Variants in RPTOR observed in about 807,000 individuals in gnomAD.
RPTOR encodes regulatory-associated protein of mTOR.
In RPTOR, 21 loss-of-function variants were observed where a neutral mutation model predicts 169.9. That is an observed-to-expected ratio of 0.12 (90% CI 0.09 to 0.18). RPTOR has a LOEUF of 0.18. Ranked by LOEUF, RPTOR falls within the 10% of genes least tolerant of loss-of-function variation. RPTOR has a pLI of 1.00. For missense variants in RPTOR, 1,133 were observed against 1,855.9 expected, an observed-to-expected ratio of 0.61 and a Z score of 7.16; for synonymous variants, 732 against 753.2, an observed-to-expected ratio of 0.97 and a Z score of 0.46.
At chr17:80,596,310 A>G (rs997118989) in intron 1 of RPTOR, among the ~76,000 whole-genome samples, 8 of 152,222 alleles carry the variant, frequency 5.3e-5, no homozygotes, top group African/African-American at 1.9e-4. Flanking sequence ...GTGTTAAAAG[A>G]ACTGTGTTTA....
chr17:80,940,664 C>A, intron 25 of RPTOR, 63 bp downstream of exon 25: 1 of 1,399,706 alleles, frequency 7.1e-7, no homozygotes, highest in Non-Finnish European at 9.9e-7. Flanking sequence ...GGCGAGGGTC[C>A]CCTGTGAGCA....
intron 3 of RPTOR, among the ~76,000 whole-genome samples, chr17:80,685,627 A>ATATTTTTTTT (rs1269766086): frequency 9.8e-5 from 3 of 30,670 alleles, no homozygotes; most frequent in Non-Finnish European, 1.6e-4. Flanking sequence ...ATATATATAT[A>ATATTTTTTTT]TTTTTTTTTT....
intron 24 of RPTOR, among the ~76,000 whole-genome samples, chr17:80,935,587 A>T (rs1477606181): frequency 6.6e-6 from 1 of 152,200 alleles, no homozygotes; most frequent in Non-Finnish European, 1.5e-5. Context: ...AGGTGCAAAA[A>T]CAATTCAATT....
intron 3 of RPTOR, among the ~76,000 whole-genome samples, chr17:80,662,243 A>G (rs1299388646): frequency 6.6e-6 from 1 of 152,154 alleles, no homozygotes; most frequent in Non-Finnish European, 1.5e-5. Flanking sequence ...TCCTATCACC[A>G]GAGGCTAGTT....
intron 1 of RPTOR, among the ~76,000 whole-genome samples, chr17:80,572,786 G>A (rs2064921524): frequency 6.6e-6 from 1 of 152,126 alleles, no homozygotes; most frequent in African/African-American, 2.4e-5. Context: ...GTTTTTTCAT[G>A]TTCCTTATGG....
chr17:80,891,357 A>C (rs2068320952), intron 17 of RPTOR, among the ~76,000 whole-genome samples: 1 of 152,250 alleles, frequency 6.6e-6, no homozygotes, highest in Non-Finnish European at 1.5e-5. Flanking sequence ...GTTTTCAGCC[A>C]GGGTCCCAGT....
rs185706673 is a variant in RPTOR at position 80,965,661 on chromosome 17, G to A, written c.*1331G>A. ...TGTGGCGAGGCCCGGCTCTCCTGCGGTGTGGCTGGTGGCCTGCCGTGGCCA... is the reference window on the plus strand; with the variant it reads ...TGTGGCGAGGCCCGGCTCTCCTGCGATGTGGCTGGTGGCCTGCCGTGGCCA... On this transcript the variant is annotated 3_prime_UTR_variant, in exon 34 of 34. Coordinates refer to ENST00000306801, the MANE Select transcript of RPTOR (RefSeq NM_020761.3). The A allele has an allele frequency of 2.0e-3, 468 of 233,348 alleles. 1 individual carries two copies. The highest frequency in any genetic ancestry group is 3.2e-3 in the Non-Finnish European group (382 of 118,102). 14.5% of individuals were successfully genotyped at this position (233,348 alleles called of 1,614,324 possible). A position where few individuals can be genotyped will look rare whatever the true frequency, so the allele number is the denominator to read the frequency against.
intron 3 of RPTOR, among the ~76,000 whole-genome samples, chr17:80,654,824 C>T (rs1376021641): frequency 1.3e-5 from 2 of 152,122 alleles, no homozygotes; most frequent in Non-Finnish European, 2.9e-5. Context: ...AATCAAGAGT[C>T]ATAAAAGAGT....
chr17:80,762,390 G>A (rs75744073), intron 6 of RPTOR, among the ~76,000 whole-genome samples: 4,148 of 152,276 alleles, frequency 0.027, 196 homozygotes, highest in African/African-American at 0.095. Context: ...GGGTGAGGCC[G>A]GAGGAGACAG....
At chr17:80,717,656 T>G (rs868525248) in intron 4 of RPTOR, among the ~76,000 whole-genome samples, 1 of 151,962 alleles carries the variant, frequency 6.6e-6, no homozygotes, top group Non-Finnish European at 1.5e-5. Flanking sequence ...CCTGCAGCAT[T>G]ACAGATGATA....
intron 10 of RPTOR, among the ~76,000 whole-genome samples, chr17:80,838,231 A>G (rs920626140): frequency 6.6e-6 from 1 of 152,182 alleles, no homozygotes; most frequent in Admixed American, 6.5e-5. Flanking sequence ...AAATTTTGCT[A>G]TTACAGATCT....
At chr17:80,951,116 G>A (rs112990614) in intron 28 of RPTOR, among the ~76,000 whole-genome samples, 14,922 of 143,574 alleles carry the variant, frequency 0.1, 1,481 homozygotes, top group African/African-American at 0.34. Context: ...GAGACCCCCC[G>A]GAAGCATCCA....
intron 21 of RPTOR, among the ~76,000 whole-genome samples, chr17:80,914,646 C>T (rs77187387): frequency 0.26 from 39,170 of 152,060 alleles, 5,999 homozygotes; most frequent in Middle Eastern, 0.35. Flanking sequence ...CGGCTGTGCA[C>T]ACGCTCGGGG....
At chr17:80,733,657 G>T (rs922338889) in intron 5 of RPTOR, among the ~76,000 whole-genome samples, 1 of 152,220 alleles carries the variant, frequency 6.6e-6, no homozygotes, top group Non-Finnish European at 1.5e-5. Context: ...AGGGAGAAAC[G>T]ATGTGGAAGC....
At chr17:80,789,905 T>C (rs2067030137) in intron 6 of RPTOR, among the ~76,000 whole-genome samples, 1 of 152,260 alleles carries the variant, frequency 6.6e-6, no homozygotes, top group Non-Finnish European at 1.5e-5. Context: ...TAAGTGATTC[T>C]GTCATTACTG....
At chr17:80,784,668 C>G (rs2066973627) in intron 6 of RPTOR, among the ~76,000 whole-genome samples, 1 of 150,582 alleles carries the variant, frequency 6.6e-6, no homozygotes, top group African/African-American at 2.4e-5. Flanking sequence ...GCTGGGATTA[C>G]AGGCATGAGC....
In RPTOR at chr17:80,708,992, C is replaced by G. The variant is rs376817386; in HGVS notation, c.507+993C>G. On this transcript the variant is annotated intron_variant, in intron 4 of 33. Transcript: ENST00000306801. This position sits in a 1 kb window ranked among gnomAD's most constrained non-coding sequence, Gnocchi z 4.2. ...CACTGAACTCTCGGTTCCCGCCTAC[C>G]GTCCCGGGTTCGCAGCTAGCATTCG... The G allele has an allele frequency of 1.0e-6, 1 of 985,550 alleles. No individual in the cohort carries two copies. The highest frequency in any genetic ancestry group is 1.7e-5 in the African/African-American group (1 of 57,194). The allele number at this position is 985,550 out of a possible 1,614,324, so 61.1% of individuals were successfully genotyped here.
At chr17:80,734,811 G>GA (rs981074491) in intron 5 of RPTOR, among the ~76,000 whole-genome samples, 5 of 151,808 alleles carry the variant, frequency 3.3e-5, no homozygotes, top group African/African-American at 9.7e-5. Context: ...GACATTCGGG[G>GA]AAAAAAAATT....
At chr17:80,918,672 A>G (rs1289887936) in intron 21 of RPTOR, among the ~76,000 whole-genome samples, 1 of 152,142 alleles carries the variant, frequency 6.6e-6, no homozygotes, top group African/African-American at 2.4e-5. Context: ...CAGTGACTTC[A>G]TGCCTCTCAG....
Sources: gnomAD v4.1 joint callset for allele counts (sites outside exome capture counted in the v4.1 genomes callset) on GRCh38, gnomAD v4.1.1 for gene constraint, Gnocchi (gnomAD v3.1) non-coding constraint, MANE v1.5 for transcripts, NCBI Gene and HGNC (gene_info 2026-07-23, HGNC 2026-07-21) for gene names.